RXYLT1: variants seen among roughly 807,000 people sequenced by gnomAD.
The protein encoded by RXYLT1 is ribitol-5-phosphate xylosyltransferase 1.
RXYLT1 carries 41 observed loss-of-function variants against 43.5 expected under a neutral mutation model. The ratio of observed to expected loss-of-function variants is 0.94; its 90% CI spans 0.73 to 1.22. The LOEUF is 1.22. Ranked by LOEUF, RXYLT1 falls within the 50% of genes most tolerant of loss-of-function variation. The pLI, the probability that RXYLT1 is intolerant of heterozygous loss-of-function variation, is 0.00. For missense variants in RXYLT1, 514 were observed against 532.0 expected (o/e 0.97, Z 0.33); for synonymous variants, 166 against 194.4 (o/e 0.85, Z 1.21).
At chr12:63,795,033 C>T (rs989843681) in intron 3 of RXYLT1, among the ~76,000 whole-genome samples, 3 of 151,924 alleles carry the variant, frequency 2.0e-5, no homozygotes, top group Non-Finnish European at 2.9e-5. Context: ...TGGTAGCTCC[C>T]GCCTGTAATC....
chr12:63,797,802 T>C (rs529561347), intron 3 of RXYLT1, among the ~76,000 whole-genome samples: 1 of 152,010 alleles, frequency 6.6e-6, no homozygotes, highest in Non-Finnish European at 1.5e-5. Flanking sequence ...AAGTAGGAGA[T>C]TGGAAGTATC....
chr12:63,783,910 CG>C (rs1897743594), intron 2 of RXYLT1, among the ~76,000 whole-genome samples: 2 of 152,066 alleles, frequency 1.3e-5, no homozygotes, highest in African/African-American at 4.8e-5. Context: ...GAGTTTCTAG[CG>C]GCTACCCGTA....
chr12:63,802,406 G>T lies in RXYLT1; in HGVS notation c.743+1G>T. 1 of 1,558,812 alleles carries T rather than the reference G, an allele frequency of 6.4e-7. No homozygotes were observed. The highest frequency in any genetic ancestry group is 8.7e-7 in the Non-Finnish European group (1 of 1,152,148). On this transcript the variant is annotated splice_donor_variant, in intron 4 of 5. Transcript: ENST00000261234. LOFTEE classifies it high-confidence loss of function. Reference sequence around the variant, plus strand: ...TTCAGTGGCCTTTAGGAGTAGCAACGTAAGTACAAAATATGATTAAACATT... The same window carrying T: ...TTCAGTGGCCTTTAGGAGTAGCAACTTAAGTACAAAATATGATTAAACATT...
chr12:63,803,582 A>G (rs1240128773), intron 4 of RXYLT1: 2 of 152,168 alleles, frequency 1.3e-5, no homozygotes, highest in African/African-American at 2.4e-5. Context: ...TGTATTCCCA[A>G]GCCTACTCCT....
rs530004486 is a variant in RXYLT1, at chr12:63,785,666, T to C, written c.428+594T>C. Among the ~76,000 whole-genome samples, 7 of 152,216 alleles carry C rather than the reference T, an allele frequency of 4.6e-5. No homozygotes were observed. In the South Asian group the frequency reaches 1.2e-3, roughly 27 times the overall value. ...GTGTTTTTAAGTATATTAGGATTAT[T>C]TTATTTAGGAAAACTATAATTTTAT... On this transcript the variant is annotated intron_variant, in intron 3 of 5. Transcript: ENST00000261234.
intron 1 of RXYLT1, 184 bp downstream of exon 1, chr12:63,780,313 C>T (rs1897649120): frequency 7.6e-7 from 1 of 1,315,492 alleles, no homozygotes; most frequent in African/African-American, 1.5e-5. Flanking sequence ...GGTCCTCATT[C>T]TTACCCAGAT....
Position 63,781,117 on chromosome 12 carries a change from A to G in RXYLT1, c.268A>G (p.Lys90Glu), listed in dbSNP as rs144932093. The G allele has an allele frequency of 6.6e-5, 106 of 1,608,870 alleles. No individual in the cohort carries two copies. The highest frequency in any genetic ancestry group is 8.2e-5 in the Non-Finnish European group (97 of 1,178,148). Residue 90 changes from lysine (K) to glutamate (E), a missense_variant, in exon 2 of 6, where the codon AAA becomes GAA. Physicochemically the swap from Lys to Glu is moderately conservative, Grantham distance 56. Transcript: ENST00000261234. ...TAAAACTAGCCTTCAAATATTAGAT[A>G]AATCCACGAAAGGAAAAACAGATCT... Reference protein sequence around the residue: ...RFKTSLQILDKSTKGKTDLSV... With the variant: ...RFKTSLQILDESTKGKTDLSV...
rs748368825 is a variant in RXYLT1, at chr12:63,808,874, C to T, written c.1114C>T (p.Pro372Ser). 6.2e-7 allele frequency: 1 copy of T among 1,613,932 alleles called. No homozygotes were observed. The highest frequency in any genetic ancestry group is 1.3e-5 in the African/African-American group (1 of 74,894). ...CGNTSVHHGA[P>S]LQLLKSMGAP... is the part of the protein sequence containing the mutation. Reference sequence around the variant, plus strand: ...GAATACATCTGTGCACCACGGTGCTCCTCTGCAGTTACTCAAGTCCATGGG... The same window carrying T: ...GAATACATCTGTGCACCACGGTGCTTCTCTGCAGTTACTCAAGTCCATGGG... The change falls in exon 6 of 6, where the codon CCT becomes TCT. Residue 372 changes from proline (P) to serine (S), a missense_variant. Coordinates refer to ENST00000261234, the MANE Select transcript of RXYLT1 (RefSeq NM_014254.3).
At chr12:63,794,534 G>A (rs532148157) in intron 3 of RXYLT1, among the ~76,000 whole-genome samples, 4 of 152,238 alleles carry the variant, frequency 2.6e-5, no homozygotes, top group Admixed American at 6.5e-5. Context: ...CCTAGTCTAC[G>A]GAAATGGGCA....
At chr12:63,800,270 G>C (rs113649897) in intron 3 of RXYLT1, among the ~76,000 whole-genome samples, 6 of 152,310 alleles carry the variant, frequency 3.9e-5, no homozygotes, top group African/African-American at 1.4e-4. Flanking sequence ...GAACTCCTCA[G>C]AGTTGTTGGG....
intron 3 of RXYLT1, among the ~76,000 whole-genome samples, chr12:63,788,567 A>G (rs915538864): frequency 2.0e-5 from 3 of 152,242 alleles, no homozygotes; most frequent in Non-Finnish European, 4.4e-5. Flanking sequence ...AACCTCATGA[A>G]TCAACCTCTG....
chr12:63,795,238 G>C (rs569393363), intron 3 of RXYLT1, among the ~76,000 whole-genome samples: 3 of 150,662 alleles, frequency 2.0e-5, no homozygotes, highest in African/African-American at 7.3e-5. Flanking sequence ...CTGTGATCAC[G>C]TGACTGCATT....
chr12:63,783,162 TTTCTTTAATACGCA>T (rs1897723078), intron 2 of RXYLT1, among the ~76,000 whole-genome samples: 1 of 152,196 alleles, frequency 6.6e-6, no homozygotes, highest in Non-Finnish European at 1.5e-5. Flanking sequence ...TCACCAGCAA[TTTCTTTAATACGCA>T]TATTCTAGGC....
At chr12:63,786,089 G>T (rs11829078) in intron 3 of RXYLT1, among the ~76,000 whole-genome samples, 1,578 of 152,202 alleles carry the variant, frequency 0.01, 32 homozygotes, top group African/African-American at 0.035. Flanking sequence ...TTGGATTTGG[G>T]TGTGTGAAAG....
intron 3 of RXYLT1, among the ~76,000 whole-genome samples, chr12:63,796,298 G>A (rs181503589): frequency 4.6e-5 from 7 of 152,292 alleles, no homozygotes; most frequent in African/African-American, 9.6e-5. Context: ...GTCATCCTCA[G>A]TGTGTCATAT....
chr12:63,808,593 T>C, intron 5 of RXYLT1, 82 bp from the exon 6 acceptor site: 1 of 1,472,696 alleles, frequency 6.8e-7, no homozygotes, highest in Non-Finnish European at 9.2e-7. Context: ...TGAAACTGAT[T>C]TTATTAAAAG....
chr12:63,794,388 T>C (rs2136227049), intron 3 of RXYLT1, among the ~76,000 whole-genome samples: 1 of 152,320 alleles, frequency 6.6e-6, no homozygotes, highest in East Asian at 1.9e-4. Context: ...CAAAATATCA[T>C]TGCTCCCTAG....
Position 63,809,241 on chromosome 12 carries a change from G to T in RXYLT1, c.*149G>T. On this transcript the variant is annotated 3_prime_UTR_variant, in exon 6 of 6. Coordinates refer to ENST00000261234, the MANE Select transcript of RXYLT1 (RefSeq NM_014254.3). ...ATGCCACATAATGACATTTCAGTCA[G>T]TGGTAGACTACATATATGATAGTGG... is the stretch of plus-strand genomic sequence containing the variant. 1 of 610,882 alleles carries T rather than the reference G, an allele frequency of 1.6e-6. No individual in the cohort carries two copies. 37.8% of individuals were successfully genotyped at this position (610,882 alleles called of 1,614,324 possible).
At chr12:63,798,196 T>A (rs930658944) in intron 3 of RXYLT1, among the ~76,000 whole-genome samples, 3 of 152,112 alleles carry the variant, frequency 2.0e-5, no homozygotes, top group Admixed American at 6.6e-5. Flanking sequence ...CACCCATCCT[T>A]ATCTCTTTCC....
Sources: allele counts gnomAD v4.1 joint callset (sites outside exome capture counted in the v4.1 genomes callset), GRCh38; gene constraint gnomAD v4.1.1; transcripts MANE v1.5; gene names NCBI Gene and HGNC (gene_info 2026-07-23, HGNC 2026-07-21).